CASZ1: variants seen among roughly 807,000 people sequenced by gnomAD.
CASZ1 encodes the protein castor zinc finger 1, also known as zinc finger protein castor homolog 1.
Under a neutral mutation model 135.2 loss-of-function variants are expected in CASZ1, and 28 were observed. That is an observed-to-expected ratio of 0.21 (90% CI 0.15 to 0.28). CASZ1 has a LOEUF of 0.28. Among genes scored for constraint, CASZ1 ranks in the 10% least tolerant of loss-of-function variants. The pLI is 1.00. For missense variants in CASZ1, 2,161 were observed against 2,453.3 expected (o/e 0.88, Z 2.52); for synonymous variants, 1,068 against 1,073.4 (o/e 0.99, Z 0.10).
rs909924097 is a variant in CASZ1, at chr1:10,794,478, G to A, written c.-234+2086C>T. 2.0e-5 allele frequency among the ~76,000 whole-genome samples: 3 copies of A among 152,054 alleles called. No homozygotes were observed. The highest frequency in any genetic ancestry group is 4.8e-5 in the African/African-American group (2 of 41,402). ...CCCCGTGGCCCAGTGATCCAGGTTT[G>A]GGGGAGCTCCATACTCAGGAGAGGC... is the stretch of plus-strand genomic sequence containing the variant. On this transcript the variant is annotated intron_variant, in intron 1 of 20. Transcript: ENST00000377022. The surrounding 1 kb of genome is among the most constrained non-coding windows in gnomAD (Gnocchi z 5.6).
At position 10,638,992 on chromosome 1, in the gene CASZ1, C is replaced by T; in HGVS notation, c.5230G>A (p.Ala1744Thr). The T allele has an allele frequency of 1.0e-6, 1 of 983,142 alleles. No individual in the cohort carries two copies. The highest frequency in any genetic ancestry group is 1.2e-6 in the Non-Finnish European group (1 of 829,718). 60.9% of individuals were successfully genotyped at this position (983,142 alleles called of 1,614,324 possible). A position where few individuals can be genotyped will look rare whatever the true frequency, so the allele number is the denominator to read the frequency against. The change falls in exon 21 of 21, where the codon GCG (alanine) becomes ACG (threonine). Residue 1744 changes from alanine (A) to threonine (T), a missense_variant. Coordinates refer to ENST00000377022, the MANE Select transcript of CASZ1 (RefSeq NM_001079843.3). The surrounding 1 kb of genome is among the most constrained non-coding windows in gnomAD (Gnocchi z 5.9). ...GCGGGGCCGGGGGCGCCCAGGGCCG[C>T]CAGCGCCGCCAAGGCCGGGGTCCGC... The part of the protein sequence containing the change: ...GARTPALAAL[A>T]ALGAPGPAPT...
At chr1:10,749,965 C>T (rs1262624519) in intron 2 of CASZ1, among the ~76,000 whole-genome samples, 2 of 152,188 alleles carry the variant, frequency 1.3e-5, no homozygotes, top group Non-Finnish European at 2.9e-5. Flanking sequence ...TCTGTTGGCA[C>T]CTCTGGGTCC....
chr1:10,670,983 C>T (rs1643380145), intron 4 of CASZ1, among the ~76,000 whole-genome samples: 1 of 152,228 alleles, frequency 6.6e-6, no homozygotes, highest in South Asian at 2.1e-4. Context: ...TCAGCCAGGG[C>T]CCGAGGGGTT....
intron 4 of CASZ1, among the ~76,000 whole-genome samples, chr1:10,691,143 A>G (rs1388917835): frequency 6.7e-6 from 1 of 148,642 alleles, no homozygotes; most frequent in Non-Finnish European, 1.5e-5. Context: ...TTTATTCCCA[A>G]ACTCTCCTAA....
chr1:10,749,590 C>T (rs1044871642), intron 2 of CASZ1, among the ~76,000 whole-genome samples: 7 of 152,058 alleles, frequency 4.6e-5, no homozygotes, highest in Non-Finnish European at 7.4e-5. Context: ...GCCCCATTTC[C>T]CCCTTCAGCC....
intron 2 of CASZ1, among the ~76,000 whole-genome samples, chr1:10,733,690 A>G (rs567706627): frequency 6.6e-6 from 1 of 152,320 alleles, no homozygotes; most frequent in East Asian, 1.9e-4. Context: ...AGGAGGTGGC[A>G]TCTATGATAA....
In CASZ1 at chr1:10,725,717, CTT is replaced by C. The variant is rs77796677; in HGVS notation, c.-76-20175_-76-20174del. Among the ~76,000 whole-genome samples, 9 of 143,940 alleles carry C rather than the reference CTT, an allele frequency of 6.3e-5. No individual in the cohort carries two copies. Among genetic ancestry groups the C allele is most frequent in the Admixed American group, 6.9e-5 (1 of 14,424 alleles). The allele number at this position is 143,940 out of a possible 152,430, so 94.4% of individuals were successfully genotyped here. On this transcript the variant is annotated intron_variant, in intron 2 of 20. Coordinates refer to ENST00000377022, the MANE Select transcript of CASZ1 (RefSeq NM_001079843.3). The surrounding 1 kb of genome is among the most constrained non-coding windows in gnomAD (Gnocchi z 4.4). Reference sequence around the variant, plus strand: ...GGTGGAAGCCAGGTTCTGGAAAGCCCTTTTTTTTTTTTTACTAGGAGACCCCA... The same window carrying C: ...GGTGGAAGCCAGGTTCTGGAAAGCCCTTTTTTTTTTTACTAGGAGACCCCA...
rs1395140868 is a variant in CASZ1, at chr1:10,666,992, G to C, written c.17-1421C>G. Reference sequence around the variant, plus strand: ...TCTCCATGGCCCTCACGGGAGGAATGGGCGTGTCAGAGTCTCCACATAGGC... The same window carrying C: ...TCTCCATGGCCCTCACGGGAGGAATCGGCGTGTCAGAGTCTCCACATAGGC... On this transcript the variant is annotated intron_variant, in intron 4 of 20. Transcript: ENST00000377022. The surrounding 1 kb of genome is among the most constrained non-coding windows in gnomAD (Gnocchi z 5.2). 2.6e-5 allele frequency among the ~76,000 whole-genome samples: 4 copies of C among 152,350 alleles called. No homozygotes were observed. The highest frequency in any genetic ancestry group is 6.5e-5 in the Admixed American group (1 of 15,312).
intron 2 of CASZ1, among the ~76,000 whole-genome samples, chr1:10,754,691 C>T (rs555369188): frequency 3.2e-4 from 48 of 152,294 alleles, no homozygotes; most frequent in African/African-American, 9.6e-4. Flanking sequence ...CAGCTGGGAC[C>T]GATCCTCTCT....
In CASZ1 at chr1:10,700,385, T is replaced by A. The variant is rs1351872329; in HGVS notation, c.-24+5107A>T. On this transcript the variant is annotated intron_variant, in intron 3 of 20. Transcript: ENST00000377022. The surrounding 1 kb of genome is among the most constrained non-coding windows in gnomAD (Gnocchi z 4.2). ...GGCTGGGGAGAAGCCAAGGGAGGGG[T>A]CCCAGGAGGGGAGGCCCGCTGTCCT... Among the ~76,000 whole-genome samples the A allele has an allele frequency of 2.6e-5, 4 of 152,044 alleles. No homozygotes were observed. Among genetic ancestry groups the A allele is most frequent in the African/African-American group, 9.7e-5 (4 of 41,368 alleles).
Position 10,638,811 on chromosome 1 carries a change from G to A in CASZ1, c.*131C>T. On this transcript the variant is annotated 3_prime_UTR_variant, in exon 21 of 21. Coordinates refer to ENST00000377022, the MANE Select transcript of CASZ1 (RefSeq NM_001079843.3). This position sits in a 1 kb window ranked among gnomAD's most constrained non-coding sequence, Gnocchi z 5.9. ...GAGCACCAGAGGGGTCCCCGCCTCTGTCCTGAGACGGACTCGGGGTCCGGA... is the reference window on the plus strand; with the variant it reads ...GAGCACCAGAGGGGTCCCCGCCTCTATCCTGAGACGGACTCGGGGTCCGGA... 1 of 908,710 alleles carries A rather than the reference G, an allele frequency of 1.1e-6. No homozygotes were observed. The highest frequency in any genetic ancestry group is 1.8e-5 in the African/African-American group (1 of 55,616). The allele number at this position is 908,710 out of a possible 1,614,324, so 56.3% of individuals were successfully genotyped here.
At chr1:10,663,867 G>T (rs1643136289) in intron 5 of CASZ1, among the ~76,000 whole-genome samples, 1 of 152,246 alleles carries the variant, frequency 6.6e-6, no homozygotes, top group Non-Finnish European at 1.5e-5. Context: ...CTCCTCTGGG[G>T]GAAGGAGGCA....
Position 10,646,904 on chromosome 1 carries a change from G to A in CASZ1, c.3498-578C>T, listed in dbSNP as rs947717672. ...CCCACCCACTCAGACCTCACTTGCC[G>A]GCGGAGTGGGAGAGCTGCTGGGGCA... On this transcript the variant is annotated intron_variant, in intron 16 of 20. Coordinates refer to ENST00000377022, the MANE Select transcript of CASZ1 (RefSeq NM_001079843.3). The surrounding 1 kb of genome is among the most constrained non-coding windows in gnomAD (Gnocchi z 6.4). Among the ~76,000 whole-genome samples the A allele has an allele frequency of 1.3e-5, 2 of 152,178 alleles. No homozygotes were observed. Among genetic ancestry groups the A allele is most frequent in the Non-Finnish European group, 2.9e-5 (2 of 68,034 alleles).
chr1:10,662,152 TACAC>T (rs575567770), intron 5 of CASZ1, among the ~76,000 whole-genome samples: 1 of 146,176 alleles, frequency 6.8e-6, no homozygotes, highest in South Asian at 2.2e-4. Flanking sequence ...CTCACACACC[TACAC>T]ACAGTCACAA....
rs1048637163 is a variant in CASZ1 at position 10,739,363 on chromosome 1, C to T, written c.-77+21338G>A. Among the ~76,000 whole-genome samples the T allele has an allele frequency of 6.6e-6, 1 of 152,094 alleles. No individual in the cohort carries two copies. The highest frequency in any genetic ancestry group is 1.5e-5 in the Non-Finnish European group (1 of 67,994). Reference sequence around the variant, plus strand: ...CGCGAGGGAAACCCTCCCAGGGGCCCGGGCCCAGGGTGGCCACGGTGAGGA... The same window carrying T: ...CGCGAGGGAAACCCTCCCAGGGGCCTGGGCCCAGGGTGGCCACGGTGAGGA... On this transcript the variant is annotated intron_variant, in intron 2 of 20. Coordinates refer to ENST00000377022, the MANE Select transcript of CASZ1 (RefSeq NM_001079843.3). The surrounding 1 kb of genome is among the most constrained non-coding windows in gnomAD (Gnocchi z 4.8).
intron 4 of CASZ1, among the ~76,000 whole-genome samples, chr1:10,690,049 G>A (rs1638715632): frequency 6.6e-6 from 1 of 152,220 alleles, no homozygotes; most frequent in Non-Finnish European, 1.5e-5. Context: ...ACAGGGGCTG[G>A]CCCCAGCTTA....
At position 10,653,495 on chromosome 1, in the gene CASZ1, A is replaced by G. The variant is rs1465344238; in HGVS notation, c.2562T>C (p.Ser854=). The G allele has an allele frequency of 8.1e-6, 13 of 1,611,514 alleles. No individual in the cohort carries two copies. Among genetic ancestry groups the G allele is most frequent in the Middle Eastern group, 3.3e-4 (2 of 6,078 alleles). The part of the protein sequence containing the change: ...AGDSAPVAAA[S]VPAPPASIME... ...TGATGGAGGCGGGTGGTGCCGGGAC[A>G]GAGGCGGCAGCCACGGGGGCTGAGT... The change falls in exon 11 of 21, where the codon TCT becomes TCC. Residue 854 remains serine, a synonymous_variant. Transcript: ENST00000377022.
chr1:10,661,917 T>A (rs145186229), intron 5 of CASZ1, among the ~76,000 whole-genome samples: 2 of 146,482 alleles, frequency 1.4e-5, no homozygotes, highest in Non-Finnish European at 3.0e-5. Context: ...TCTCATACAC[T>A]CTCACACACC....
At chr1:10,753,962 C>G (rs535259918) in intron 2 of CASZ1, among the ~76,000 whole-genome samples, 8 of 152,206 alleles carry the variant, frequency 5.3e-5, no homozygotes, top group African/African-American at 1.9e-4. Flanking sequence ...GAGGGCCCCC[C>G]ACCCTGACCC....
Sources: allele counts gnomAD v4.1 joint callset (sites outside exome capture counted in the v4.1 genomes callset), GRCh38; gene constraint gnomAD v4.1.1; non-coding constraint Gnocchi (gnomAD v3.1); transcripts MANE v1.5; gene names NCBI Gene and HGNC (gene_info 2026-07-23, HGNC 2026-07-21).